The following ZBTB7C variants were observed in gnomAD, a reference collection of about 807,000 sequenced individuals.
ZBTB7C encodes zinc finger and BTB domain containing 7C.
Under a neutral mutation model 25.7 loss-of-function variants are expected in ZBTB7C, and 8 were observed. The ratio of observed to expected loss-of-function variants is 0.31; its 90% CI spans 0.18 to 0.56. The LOEUF is 0.56. Ranked by LOEUF, ZBTB7C falls within the 20% of genes least tolerant of loss-of-function variation. The pLI is 0.91. For missense variants in ZBTB7C, 824 were observed against 855.2 expected (o/e 0.96, Z 0.46); for synonymous variants, 394 against 369.0 (o/e 1.07, Z -0.78).
At chr18:48,175,627 T>A (rs1189269424) in intron 3 of ZBTB7C, among the ~76,000 whole-genome samples, 4 of 152,154 alleles carry the variant, frequency 2.6e-5, no homozygotes, top group Non-Finnish European at 5.9e-5. Flanking sequence ...CAAACCCAGA[T>A]CTGGATGTCT....
At chr18:48,400,868 T>C (rs930530773) in intron 1 of ZBTB7C, among the ~76,000 whole-genome samples, 1 of 152,222 alleles carries the variant, frequency 6.6e-6, no homozygotes, top group African/African-American at 2.4e-5. Flanking sequence ...CATATGCTAC[T>C]TATCCAGTCA....
rs1042339365 is a variant in ZBTB7C, at chr18:48,028,548, T to TG, written c.*711dup. 6.6e-6 allele frequency: 1 copy of TG among 152,140 alleles called. No homozygotes were observed. Among genetic ancestry groups the TG allele is most frequent in the Non-Finnish European group, 1.5e-5 (1 of 68,034 alleles). The allele number at this position is 152,140 out of a possible 1,614,324, so 9.4% of individuals were successfully genotyped here. ...AGCTTCTACCATCTCTGTGATTCTC[T>TG]GGGGGGATAGGTGTGTATGTGTTTA... On this transcript the variant is annotated 3_prime_UTR_variant, in exon 5 of 5. Coordinates refer to ENST00000590800, the MANE Select transcript of ZBTB7C (RefSeq NM_001318841.2).
At chr18:48,290,430 G>C (rs993420744) in intron 2 of ZBTB7C, among the ~76,000 whole-genome samples, 2 of 152,270 alleles carry the variant, frequency 1.3e-5, no homozygotes, top group Non-Finnish European at 2.9e-5. Flanking sequence ...TCTGTAAGGT[G>C]AAGAGGTTTG....
At chr18:48,171,919 T>G (rs1476207682) in intron 3 of ZBTB7C, among the ~76,000 whole-genome samples, 1 of 152,246 alleles carries the variant, frequency 6.6e-6, no homozygotes, top group African/African-American at 2.4e-5. Context: ...CCTTCCAGTC[T>G]CTGAAGACTG....
intron 2 of ZBTB7C, among the ~76,000 whole-genome samples, chr18:48,218,269 A>G (rs902605540): frequency 6.6e-6 from 1 of 152,158 alleles, no homozygotes; most frequent in African/African-American, 2.4e-5. Flanking sequence ...TCTGCAGACA[A>G]TGGTGCTGCA....
intron 2 of ZBTB7C, among the ~76,000 whole-genome samples, chr18:48,234,049 C>A (rs1350214550): frequency 6.6e-6 from 1 of 152,048 alleles, no homozygotes; most frequent in Non-Finnish European, 1.5e-5. Context: ...TGATCACAAC[C>A]CAATAGCCTC....
chr18:48,115,288 G>A (rs893445521), intron 3 of ZBTB7C, among the ~76,000 whole-genome samples: 39 of 151,224 alleles, frequency 2.6e-4, no homozygotes, highest in African/African-American at 7.5e-4. Flanking sequence ...TTGCTCTGTC[G>A]CCCAAGCTGG....
At chr18:48,272,828 A>T (rs2144585171) in intron 2 of ZBTB7C, among the ~76,000 whole-genome samples, 1 of 152,330 alleles carries the variant, frequency 6.6e-6, no homozygotes, top group South Asian at 2.1e-4. Flanking sequence ...TAAAAAATGA[A>T]TTAGGTACTA....
intron 3 of ZBTB7C, chr18:48,041,657 T>A (rs2036246656): frequency 2.3e-6 from 1 of 433,144 alleles, no homozygotes; most frequent in African/African-American, 2.2e-5. Flanking sequence ...AGCAAGTAAA[T>A]GGGGGCCTTG....
rs142352232 is a variant in ZBTB7C at position 48,076,905 on chromosome 18, A to G, written c.-16-35782T>C. 2.2e-3 allele frequency: 2,141 copies of G among 981,474 alleles called. 24 individuals are homozygous for G. In the African/African-American group the frequency reaches 0.025, roughly 11 times the overall value. 60.8% of individuals were successfully genotyped at this position (981,474 alleles called of 1,614,324 possible). ...TCCCTTTTCCAACAAATCGAATTCA[A>G]TCAAGGAAGAAGCTTCAAATAAGTA... On this transcript the variant is annotated intron_variant, in intron 3 of 4. Coordinates refer to ENST00000590800, the MANE Select transcript of ZBTB7C (RefSeq NM_001318841.2).
At chr18:48,208,123 G>A (rs1370268672) in intron 2 of ZBTB7C, among the ~76,000 whole-genome samples, 1 of 152,108 alleles carries the variant, frequency 6.6e-6, no homozygotes, top group Non-Finnish European at 1.5e-5. Flanking sequence ...TGAGGGTTGA[G>A]AGCTGGCCTT....
At chr18:48,216,642 C>A (rs943017778) in intron 2 of ZBTB7C, among the ~76,000 whole-genome samples, 1 of 152,134 alleles carries the variant, frequency 6.6e-6, no homozygotes, top group African/African-American at 2.4e-5. Flanking sequence ...CTTCCTCCCC[C>A]TGACAACTTC....
chr18:48,260,008 G>A (rs1327232007), intron 2 of ZBTB7C, among the ~76,000 whole-genome samples: 1 of 152,138 alleles, frequency 6.6e-6, no homozygotes, highest in Admixed American at 6.5e-5. Context: ...TCCCTTCCTA[G>A]GTTTGTATCC....
At chr18:48,313,965 C>A (rs1470024304) in intron 2 of ZBTB7C, among the ~76,000 whole-genome samples, 2 of 152,158 alleles carry the variant, frequency 1.3e-5, no homozygotes, top group East Asian at 3.9e-4. Context: ...GGGACCACCC[C>A]CTTCTCCTTC....
intron 2 of ZBTB7C, among the ~76,000 whole-genome samples, chr18:48,303,393 T>A (rs2045591129): frequency 6.6e-6 from 1 of 152,194 alleles, no homozygotes; most frequent in Admixed American, 6.5e-5. Context: ...CAGTGGGAAG[T>A]AGGCCAAATG....
At chr18:48,289,883 C>G (rs924368937) in intron 2 of ZBTB7C, among the ~76,000 whole-genome samples, 1 of 152,046 alleles carries the variant, frequency 6.6e-6, no homozygotes, top group Non-Finnish European at 1.5e-5. Flanking sequence ...TAGCAGTTAC[C>G]ATCCGAGACA....
rs1326225060 is a variant in ZBTB7C at position 48,226,939 on chromosome 18, G to A, written c.-78-40944C>T. On this transcript the variant is annotated intron_variant, in intron 2 of 4. Transcript: ENST00000590800. ...GGAGGCTGAGGCAGGAGAATCGCTT[G>A]AACCTGGGAGGTGGAGGTTGCAGTG... 2.1e-5 allele frequency among the ~76,000 whole-genome samples: 3 copies of A among 145,624 alleles called. No homozygotes were observed. In the East Asian group the frequency reaches 6.2e-4, roughly 30 times the overall value.
At chr18:48,265,021 A>G (rs2044271367) in intron 2 of ZBTB7C, among the ~76,000 whole-genome samples, 1 of 152,166 alleles carries the variant, frequency 6.6e-6, no homozygotes, top group Non-Finnish European at 1.5e-5. Flanking sequence ...ATGGGGTAGG[A>G]GGAGGGATCT....
intron 3 of ZBTB7C, among the ~76,000 whole-genome samples, chr18:48,106,258 A>G (rs2039022645): frequency 1.3e-5 from 2 of 152,120 alleles, no homozygotes; most frequent in African/African-American, 4.8e-5. Flanking sequence ...CATCTTCAGC[A>G]AGCCCCTGAC....
Sources: allele counts gnomAD v4.1 joint callset (sites outside exome capture counted in the v4.1 genomes callset), GRCh38; gene constraint gnomAD v4.1.1; transcripts MANE v1.5; gene names NCBI Gene and HGNC (gene_info 2026-07-23, HGNC 2026-07-21).